CAMTA1: variants seen among roughly 807,000 people sequenced by gnomAD.
The protein encoded by CAMTA1 is calmodulin binding transcription activator 1.
A neutral mutation model predicts 170.9 loss-of-function variants in CAMTA1; 27 were observed. The observed-to-expected ratio is 0.16, with a 90% CI of 0.12 to 0.22. The LOEUF is 0.22. Ranked by LOEUF, CAMTA1 falls within the 10% of genes least tolerant of loss-of-function variation. CAMTA1 has a pLI of 1.00. For synonymous variants in CAMTA1, 833 were observed against 891.5 expected (o/e 0.93, Z 1.17); for missense variants, 1,619 against 2,217.2 (o/e 0.73, Z 5.42).
rs1699111560 is a variant in CAMTA1 at position 7,007,078 on chromosome 1, C to T, written c.235-84226C>T. Among the ~76,000 whole-genome samples, 1 of 151,678 alleles carries T rather than the reference C, an allele frequency of 6.6e-6. No individual in the cohort carries two copies. Among genetic ancestry groups the T allele is most frequent in the South Asian group, 2.1e-4 (1 of 4,794 alleles). On this transcript the variant is annotated intron_variant, in intron 3 of 22. Transcript: ENST00000303635. This position sits in a 1 kb window ranked among gnomAD's most constrained non-coding sequence, Gnocchi z 4.5. Reference sequence around the variant, plus strand: ...TTACGGAATGGGCTTTCAGTTTGGCCACAGGTGTCCTGGTAGTCAGGGCCA... The same window carrying T: ...TTACGGAATGGGCTTTCAGTTTGGCTACAGGTGTCCTGGTAGTCAGGGCCA...
In CAMTA1 at chr1:7,725,948, C is replaced by T. The variant is rs185914930; in HGVS notation, c.2915-6500C>T. Among the ~76,000 whole-genome samples the T allele has an allele frequency of 3.4e-4, 52 of 152,162 alleles. No individual in the cohort carries two copies. The Middle Eastern group carries it at 0.01, about 30-fold the overall frequency. On this transcript the variant is annotated intron_variant, in intron 11 of 22. Coordinates refer to ENST00000303635, the MANE Select transcript of CAMTA1 (RefSeq NM_015215.4). The stretch of plus-strand genomic sequence containing the variant: ...CTCACAGCCTCCAGCCAGGAACAGG[C>T]GGGTGGGTCACACACAGACTCACAG...
chr1:7,421,986 G>C (rs75434984), intron 5 of CAMTA1, among the ~76,000 whole-genome samples: 11,079 of 151,796 alleles, frequency 0.073, 1,048 homozygotes, highest in African/African-American at 0.22. Context: ...AGTGGAGGAG[G>C]GCATGGATCT....
intron 3 of CAMTA1, among the ~76,000 whole-genome samples, chr1:6,994,814 T>G (rs931070581): frequency 3.9e-5 from 6 of 152,076 alleles, no homozygotes; most frequent in Non-Finnish European, 8.8e-5. Context: ...ACTACAGGCG[T>G]GCACCACCAT....
intron 4 of CAMTA1, among the ~76,000 whole-genome samples, chr1:7,167,446 A>G (rs1306191906): frequency 6.6e-6 from 1 of 152,050 alleles, no homozygotes; most frequent in African/African-American, 2.4e-5. Context: ...TGTAGTCGTC[A>G]GTTTGTCTAT....
chr1:7,023,109 G>A (rs115528295), intron 3 of CAMTA1, among the ~76,000 whole-genome samples: 3,105 of 152,222 alleles, frequency 0.02, 89 homozygotes, highest in African/African-American at 0.07. Context: ...CAGGAACACG[G>A]TATACCCCAG....
Position 7,573,767 on chromosome 1 carries a change from T to A in CAMTA1, c.511-66633T>A, listed in dbSNP as rs961558217. On this transcript the variant is annotated intron_variant, in intron 6 of 22. Transcript: ENST00000303635. ...GCATGACATCATCGTTTTTTGGGTT[T>A]TTTTGGGTTTGTTCTTGTTGTTTTG... 2.0e-5 allele frequency among the ~76,000 whole-genome samples: 3 copies of A among 152,106 alleles called. No individual in the cohort carries two copies. In the East Asian group the frequency reaches 5.8e-4, roughly 29 times the overall value.
chr1:7,461,702 G>A (rs1037904407), intron 5 of CAMTA1, among the ~76,000 whole-genome samples: 2 of 152,206 alleles, frequency 1.3e-5, no homozygotes, highest in African/African-American at 4.8e-5. Flanking sequence ...CTGCCTCCTT[G>A]TGGGAGGTGG....
intron 4 of CAMTA1, among the ~76,000 whole-genome samples, chr1:7,132,241 G>T (rs1468431518): frequency 6.6e-6 from 1 of 152,190 alleles, no homozygotes; most frequent in Non-Finnish European, 1.5e-5. Flanking sequence ...AATTTGGGGA[G>T]AATTGACATC....
chr1:7,087,925 G>A (rs372229840), intron 3 of CAMTA1, among the ~76,000 whole-genome samples: 1 of 152,178 alleles, frequency 6.6e-6, no homozygotes, highest in Non-Finnish European at 1.5e-5. Flanking sequence ...GTTCTTTAGC[G>A]AATCTCCCCA....
intron 5 of CAMTA1, among the ~76,000 whole-genome samples, chr1:7,304,470 G>A (rs1269280835): frequency 6.6e-6 from 1 of 152,142 alleles, no homozygotes; most frequent in Non-Finnish European, 1.5e-5. Context: ...TGGACTGTGT[G>A]ACTTTTTATT....
chr1:6,816,471 G>GA (rs1414837459), intron 1 of CAMTA1, among the ~76,000 whole-genome samples: 1 of 152,158 alleles, frequency 6.6e-6, no homozygotes, highest in Non-Finnish European at 1.5e-5. Flanking sequence ...CATAAAGAAG[G>GA]ATGTGTTCTG....
chr1:7,476,923 G>T (rs927796690), intron 6 of CAMTA1, among the ~76,000 whole-genome samples: 1 of 152,200 alleles, frequency 6.6e-6, no homozygotes, highest in African/African-American at 2.4e-5. Context: ...CTGGGTCTGT[G>T]CTTCAGGTCA....
chr1:7,664,596 C>T lies in CAMTA1; in HGVS notation c.2049C>T (p.Ala683=). The change falls in exon 9 of 23, where the codon GCC becomes GCT. Residue 683 remains alanine, a synonymous_variant. Transcript: ENST00000303635. ...HLMQFQANFQ[A]MTAEGEVTME... ...TGCAGTTCCAGGCCAACTTCCAGGC[C>T]ATGACGGCAGAAGGGGAGGTCACCA... is the stretch of plus-strand genomic sequence containing the variant. 1 of 1,612,356 alleles carries T rather than the reference C, an allele frequency of 6.2e-7. No individual in the cohort carries two copies. The highest frequency in any genetic ancestry group is 8.5e-7 in the Non-Finnish European group (1 of 1,179,384).
chr1:7,655,495 AAC>A (rs879451252), intron 7 of CAMTA1, among the ~76,000 whole-genome samples: 48 of 142,270 alleles, frequency 3.4e-4, no homozygotes, highest in Non-Finnish European at 6.1e-4. Context: ...ACACCTATAC[AAC>A]ACACATACAC....
chr1:6,888,005 C>G, intron 3 of CAMTA1: 1 of 1,144,234 alleles, frequency 8.7e-7, no homozygotes, highest in South Asian at 2.5e-5. Flanking sequence ...TCCATGATGC[C>G]ACTCTGTCCC....
intron 1 of CAMTA1, among the ~76,000 whole-genome samples, chr1:6,815,210 CTT>C (rs942240343): frequency 6.9e-6 from 1 of 144,800 alleles, no homozygotes; most frequent in Non-Finnish European, 1.5e-5. Context: ...TTGGGTATTT[CTT>C]TTTTTTTTTT....
At chr1:7,406,951 C>T (rs1013146582) in intron 5 of CAMTA1, among the ~76,000 whole-genome samples, 1 of 152,188 alleles carries the variant, frequency 6.6e-6, no homozygotes, top group African/African-American at 2.4e-5. Flanking sequence ...ATTCTGAGGC[C>T]TCATCAGTTT....
At chr1:7,076,647 G>A (rs1053532097) in intron 3 of CAMTA1, among the ~76,000 whole-genome samples, 2 of 152,068 alleles carry the variant, frequency 1.3e-5, no homozygotes, top group African/African-American at 4.8e-5. Context: ...GTGGACCCAG[G>A]CTCATGTCTT....
chr1:6,960,608 T>G (rs1047092271), intron 3 of CAMTA1, among the ~76,000 whole-genome samples: 1 of 152,178 alleles, frequency 6.6e-6, no homozygotes, highest in African/African-American at 2.4e-5. Flanking sequence ...CCCACAGCAC[T>G]CTGTTGATAC....
Sources: gnomAD v4.1 joint callset for allele counts (sites outside exome capture counted in the v4.1 genomes callset) on GRCh38, gnomAD v4.1.1 for gene constraint, Gnocchi (gnomAD v3.1) non-coding constraint, MANE v1.5 for transcripts, NCBI Gene and HGNC (gene_info 2026-07-23, HGNC 2026-07-21) for gene names.